The following LDAH variants were observed in gnomAD, a reference collection of about 807,000 sequenced individuals.
The protein encoded by LDAH is lipid droplet associated hydrolase, also known as lipid droplet-associated hydrolase.
In LDAH, 26 loss-of-function variants were observed where a neutral mutation model predicts 29.6. The observed-to-expected ratio is 0.88, with a 90% CI of 0.64 to 1.22. The LOEUF (loss-of-function observed/expected upper bound fraction) is 1.22. Ranked by LOEUF, LDAH falls within the 50% of genes most tolerant of loss-of-function variation. LDAH has a pLI of 0.00. For synonymous variants in LDAH, 117 were observed against 133.0 expected (o/e 0.88, Z 0.83); for missense variants, 344 against 387.3 (o/e 0.89, Z 0.94).
intron 4 of LDAH, among the ~76,000 whole-genome samples, chr2:20,771,427 G>A (rs1256021649): frequency 6.6e-6 from 1 of 152,180 alleles, no homozygotes; most frequent in Non-Finnish European, 1.5e-5. Context: ...AAACATAATA[G>A]CTAACTTATT....
At chr2:20,798,873 C>T (rs1003492988) in intron 2 of LDAH, among the ~76,000 whole-genome samples, 44 of 151,972 alleles carry the variant, frequency 2.9e-4, no homozygotes, top group African/African-American at 1.0e-3. Context: ...CAGAGAGAGA[C>T]TCCATCTCAA....
intron 1 of LDAH, among the ~76,000 whole-genome samples, chr2:20,820,386 A>T (rs1359492337): frequency 2.0e-5 from 3 of 152,192 alleles, no homozygotes; most frequent in African/African-American, 7.2e-5. Context: ...TACAGTAACC[A>T]AAACAGCATG....
intron 4 of LDAH, among the ~76,000 whole-genome samples, chr2:20,743,866 T>C (rs1667382430): frequency 6.6e-6 from 1 of 151,610 alleles, no homozygotes; most frequent in Non-Finnish European, 1.5e-5. Flanking sequence ...TTTGTAGTTG[T>C]CCTGCAGTCC....
Position 20,686,842 on chromosome 2 carries a change from T to C in LDAH, c.*61A>G. ...TCTTCAAAATTAAACATTTACCTAC[T>C]AAGTCTAGTACACTGACTGCCTCCA... On this transcript the variant is annotated 3_prime_UTR_variant, in exon 7 of 7. Coordinates refer to ENST00000237822, the MANE Select transcript of LDAH (RefSeq NM_021925.4). 2.9e-6 allele frequency: 4 copies of C among 1,390,940 alleles called. No homozygotes were observed. The highest frequency in any genetic ancestry group is 1.4e-5 in the African/African-American group (1 of 69,066). The allele number at this position is 1,390,940 out of a possible 1,614,324, so 86.2% of individuals were successfully genotyped here.
intron 6 of LDAH, among the ~76,000 whole-genome samples, chr2:20,697,682 C>A (rs1434350519): frequency 6.6e-6 from 1 of 152,214 alleles, no homozygotes; most frequent in Non-Finnish European, 1.5e-5. Flanking sequence ...GCCACAACAT[C>A]ATGCTACCTA....
At chr2:20,756,039 C>CT (rs997802314) in intron 4 of LDAH, among the ~76,000 whole-genome samples, 2,387 of 148,578 alleles carry the variant, frequency 0.016, 61 homozygotes, top group African/African-American at 0.055. Flanking sequence ...TTCTTTTTTT[C>CT]TTTTTTTTTT....
intron 5 of LDAH, among the ~76,000 whole-genome samples, chr2:20,715,721 T>C (rs1572461075): frequency 6.6e-6 from 1 of 152,318 alleles, no homozygotes; most frequent in Non-Finnish European, 1.5e-5. Context: ...ATCCCAAGCA[T>C]TCCTATCCTC....
At chr2:20,778,800 C>T (rs1020740488) in intron 3 of LDAH, among the ~76,000 whole-genome samples, 4 of 151,808 alleles carry the variant, frequency 2.6e-5, no homozygotes, top group African/African-American at 4.8e-5. Flanking sequence ...CCCACTCTAC[C>T]CAAGATAAAT....
intron 5 of LDAH, among the ~76,000 whole-genome samples, chr2:20,733,251 G>T (rs13032619): frequency 0.042 from 6,241 of 149,216 alleles, 145 homozygotes; most frequent in Middle Eastern, 0.078. Context: ...ATTTTTTTTT[G>T]AGATGCTTTC....
intron 1 of LDAH, among the ~76,000 whole-genome samples, 191 bp from the exon 2 acceptor site, chr2:20,801,656 C>T (rs1010899047): frequency 2.0e-5 from 3 of 151,964 alleles, no homozygotes; most frequent in Non-Finnish European, 4.4e-5. Context: ...AAACAAGCCA[C>T]GAAAGTACTT....
chr2:20,715,090 T>G (rs1665063576), intron 5 of LDAH, among the ~76,000 whole-genome samples: 1 of 152,176 alleles, frequency 6.6e-6, no homozygotes, highest in East Asian at 1.9e-4. Flanking sequence ...AAAAGAATTT[T>G]AGACCAATAT....
At chr2:20,781,172 G>T (rs1670168320) in intron 3 of LDAH, among the ~76,000 whole-genome samples, 1 of 152,114 alleles carries the variant, frequency 6.6e-6, no homozygotes, top group African/African-American at 2.4e-5. Context: ...CATGTGTGCT[G>T]ACTCTATAGC....
Position 20,816,682 on chromosome 2 carries a change from C to A in LDAH, c.-3+6355G>T, listed in dbSNP as rs115280519. Among the ~76,000 whole-genome samples, 1,112 of 151,992 alleles carry A rather than the reference C, an allele frequency of 7.3e-3. 12 individuals are homozygous for A. Among genetic ancestry groups the A allele is most frequent in the African/African-American group, 0.024 (981 of 41,504 alleles). On this transcript the variant is annotated intron_variant, in intron 1 of 6. Coordinates refer to ENST00000237822, the MANE Select transcript of LDAH (RefSeq NM_021925.4). ...GCAACGAAAATAACTATTAGACGATCAAGAAGACACAGAAGAACAGAACAC... is the reference window on the plus strand; with the variant it reads ...GCAACGAAAATAACTATTAGACGATAAAGAAGACACAGAAGAACAGAACAC...
intron 1 of LDAH, among the ~76,000 whole-genome samples, chr2:20,803,817 C>T (rs536111529): frequency 6.6e-6 from 1 of 152,224 alleles, no homozygotes; most frequent in East Asian, 1.9e-4. Flanking sequence ...TTGGAGTTCT[C>T]CTTATAGAGT....
chr2:20,748,433 C>T (rs749788693), intron 4 of LDAH, among the ~76,000 whole-genome samples: 40 of 152,158 alleles, frequency 2.6e-4, no homozygotes, highest in Non-Finnish European at 4.9e-4. Flanking sequence ...TTCCTATAGC[C>T]CATTCTTCTC....
chr2:20,806,893 T>C (rs1672098440), intron 1 of LDAH, among the ~76,000 whole-genome samples: 1 of 150,796 alleles, frequency 6.6e-6, no homozygotes, highest in Non-Finnish European at 1.5e-5. Context: ...AAAAAATAAA[T>C]GAATCCAAAT....
rs117526167 is a variant in LDAH at position 20,742,227 on chromosome 2, C to T, written c.469-2022G>A. 1.3e-4 allele frequency among the ~76,000 whole-genome samples: 20 copies of T among 152,268 alleles called. No homozygotes were observed. In the East Asian group the frequency reaches 3.9e-3, roughly 29 times the overall value. On this transcript the variant is annotated intron_variant, in intron 4 of 6. Coordinates refer to ENST00000237822, the MANE Select transcript of LDAH (RefSeq NM_021925.4). Reference sequence around the variant, plus strand: ...CTTTATGGACCATAATGTGGTCTATCTTGGTGAATGTTCCACGTGATCTTG... The same window carrying T: ...CTTTATGGACCATAATGTGGTCTATTTTGGTGAATGTTCCACGTGATCTTG...
intron 1 of LDAH, among the ~76,000 whole-genome samples, chr2:20,821,371 G>C (rs1439331507): frequency 6.6e-6 from 1 of 152,140 alleles, no homozygotes; most frequent in Non-Finnish European, 1.5e-5. Flanking sequence ...CAACCCAAAC[G>C]TCCAACAATG....
At chr2:20,697,919 C>T (rs1325801910) in intron 6 of LDAH, among the ~76,000 whole-genome samples, 1 of 152,164 alleles carries the variant, frequency 6.6e-6, no homozygotes, top group Non-Finnish European at 1.5e-5. Context: ...TTAAATCACA[C>T]TAACTTGCTC....
Sources: gnomAD v4.1 joint callset for allele counts (sites outside exome capture counted in the v4.1 genomes callset) on GRCh38, gnomAD v4.1.1 for gene constraint, MANE v1.5 for transcripts, NCBI Gene and HGNC (gene_info 2026-07-23, HGNC 2026-07-21) for gene names.